DMD: variants seen among roughly 807,000 people sequenced by gnomAD.
DMD encodes dystrophin, also known as mutant dystrophin.
A neutral mutation model predicts 330.1 loss-of-function variants in DMD; 63 were observed. The observed-to-expected ratio is 0.19, with a 90% confidence interval of 0.16 to 0.24. The LOEUF (loss-of-function observed/expected upper bound fraction) is 0.24, where lower values mean the gene tolerates loss of function less well. DMD is among the 10% of genes least tolerant of loss of function. DMD has a pLI of 1.00. For synonymous variants in DMD, 1,223 were observed against 959.8 expected (o/e 1.27, Z -5.07); for missense variants, 3,344 against 2,684.1 (o/e 1.25, Z -5.43).
intron 41 of DMD, among the ~76,000 whole-genome samples, chrX:32,329,468 A>G (rs2097668086): frequency 8.9e-6 from 1 of 112,077 alleles, no homozygotes; most frequent in African/African-American, 3.2e-5. Context: ...AGGGCTTTGT[A>G]GCAGATTAAA....
intron 44 of DMD, among the ~76,000 whole-genome samples, chrX:32,107,338 A>ATG (rs34502564): frequency 0.046 from 4,126 of 89,035 alleles, 140 homozygotes; most frequent in African/African-American, 0.12. Flanking sequence ...ATATAATTAT[A>ATG]TGTGTGTGTG....
At chrX:33,008,903 C>T (rs2093470399) in intron 2 of DMD, among the ~76,000 whole-genome samples, 1 of 84,510 alleles carries the variant, frequency 1.2e-5, no homozygotes, top group Admixed American at 1.3e-4. Context: ...TATATATACA[C>T]ATACTCATAT....
intron 44 of DMD, among the ~76,000 whole-genome samples, chrX:32,083,191 A>C (rs1479992320): frequency 8.9e-6 from 1 of 112,140 alleles, no homozygotes; most frequent in African/African-American, 3.2e-5. Flanking sequence ...AACATAGTCC[A>C]TGGAGGCTTC....
At chrX:32,419,207 G>A (rs1324237359) in intron 29 of DMD, among the ~76,000 whole-genome samples, 1 of 110,906 alleles carries the variant, frequency 9.0e-6, no homozygotes, top group African/African-American at 3.3e-5. Context: ...TTTTGAAAAG[G>A]GAATTAAATG....
chrX:32,680,051 A>C (rs61027421), intron 9 of DMD, among the ~76,000 whole-genome samples: 14,382 of 105,572 alleles, frequency 0.14, 2,496 homozygotes, highest in African/African-American at 0.46. Flanking sequence ...GTAGCTGGGA[A>C]TACAGGCATG....
chrX:33,230,613 A>G (rs982882463), intron 1 of DMD, among the ~76,000 whole-genome samples: 2 of 111,142 alleles, frequency 1.8e-5, no homozygotes, highest in African/African-American at 6.5e-5. Flanking sequence ...GGAGTTGCAT[A>G]TATCTGACCT....
intron 53 of DMD, among the ~76,000 whole-genome samples, chrX:31,677,231 C>T (rs2082132969): frequency 9.0e-6 from 1 of 111,578 alleles, no homozygotes. Flanking sequence ...TTATTTAAAG[C>T]TACTTGCTCT....
intron 76 of DMD, among the ~76,000 whole-genome samples, chrX:31,136,792 T>C (rs1449495784): frequency 8.9e-6 from 1 of 112,049 alleles, no homozygotes; most frequent in Non-Finnish European, 1.9e-5. Context: ...AGATAAACTC[T>C]CTGTGAGTCT....
At chrX:31,446,436 AAAAC>A (rs1569542964) in intron 59 of DMD, among the ~76,000 whole-genome samples, 1 of 108,596 alleles carries the variant, frequency 9.2e-6, no homozygotes, top group Non-Finnish European at 1.9e-5. Context: ...TATATTAATA[AAAAC>A]AAACAAAAGA....
At chrX:32,985,325 A>G (rs1364306428) in intron 2 of DMD, among the ~76,000 whole-genome samples, 3 of 112,303 alleles carry the variant, frequency 2.7e-5, no homozygotes, top group Non-Finnish European at 1.9e-5. Context: ...AATGCAAGAT[A>G]ATATTTTCTA....
At chrX:33,161,433 A>G (rs1286766650) in intron 1 of DMD, among the ~76,000 whole-genome samples, 3 of 111,565 alleles carry the variant, frequency 2.7e-5, no homozygotes, top group Non-Finnish European at 5.6e-5. Flanking sequence ...AAAACTCTTT[A>G]TATATATTAT....
intron 43 of DMD, among the ~76,000 whole-genome samples, chrX:32,241,405 C>A (rs920034552): frequency 1.8e-5 from 2 of 112,599 alleles, no homozygotes; most frequent in African/African-American, 3.2e-5. Flanking sequence ...CCTACATAGG[C>A]CCATAAGTTT....
rs997170287 is a variant in DMD, at chrX:32,670,687, G to A, written c.961-25535C>T. ...TCTATTTGGAATTTTAAGAAAGTAA[G>A]CAACATGAAACCACTGGTTGAGAAG... On this transcript the variant is annotated intron_variant, in intron 9 of 78. Transcript: ENST00000357033. 2.5e-4 allele frequency among the ~76,000 whole-genome samples: 28 copies of A among 112,205 alleles called. 1 individual carries two copies. The highest frequency in any genetic ancestry group is 4.9e-4 in the Non-Finnish European group (26 of 53,165).
intron 48 of DMD, among the ~76,000 whole-genome samples, chrX:31,850,354 A>G (rs940800604): frequency 8.0e-5 from 9 of 112,455 alleles, no homozygotes; most frequent in Non-Finnish European, 1.5e-4. Flanking sequence ...TTGGGAATCA[A>G]TGAAATCCTA....
Position 32,312,942 on chromosome X carries a change from CAAAAAAAAAAAA to C in DMD, c.5923-2678_5923-2667del, listed in dbSNP as rs767993498. Reference sequence around the variant, plus strand: ...ATTGAGGCAGTAATAGCCTACGAACCAAAAAAAAAAAAAAAAAAAAAAGCCCAGGACCAGACG... The same window carrying C: ...ATTGAGGCAGTAATAGCCTACGAACCAAAAAAAAAAGCCCAGGACCAGACG... On this transcript the variant is annotated intron_variant, in intron 41 of 78. Transcript: ENST00000357033. Among the ~76,000 whole-genome samples, 4 of 20,377 alleles carry C rather than the reference CAAAAAAAAAAAA, an allele frequency of 2.0e-4. No homozygotes were observed. In the South Asian group the frequency reaches 0.023, roughly 119 times the overall value. The allele number at this position is 20,377 out of a possible 115,157, so 17.7% of individuals were successfully genotyped here.
chrX:33,228,511 C>T (rs955501264), intron 1 of DMD, among the ~76,000 whole-genome samples: 4 of 109,686 alleles, frequency 3.6e-5, no homozygotes, highest in Admixed American at 3.0e-4. Flanking sequence ...AGGGCTACTT[C>T]GATAAAACCT....
At chrX:31,966,812 A>G (rs2095355447) in intron 45 of DMD, among the ~76,000 whole-genome samples, 2 of 110,971 alleles carry the variant, frequency 1.8e-5, no homozygotes, top group African/African-American at 6.5e-5. Flanking sequence ...TTGAAAATTC[A>G]GGTGAATTAG....
In DMD at chrX:32,555,324, T is replaced by C. The variant is rs141433169; in HGVS notation, c.1993-9990A>G. ...CCTCAAAATAATAAGAGCCATAAAT[T>C]ATAAACCCACATCCAAATGGGCAAA... On this transcript the variant is annotated intron_variant, in intron 16 of 78. Coordinates refer to ENST00000357033, the MANE Select transcript of DMD (RefSeq NM_004006.3). 5.3e-3 allele frequency among the ~76,000 whole-genome samples: 592 copies of C among 111,086 alleles called. 18 individuals carry two copies. The Admixed American group carries it at 0.053, about 10-fold the overall frequency.
intron 29 of DMD, among the ~76,000 whole-genome samples, chrX:32,431,290 T>A (rs781582060): frequency 1.1e-3 from 124 of 111,594 alleles, no homozygotes; most frequent in Non-Finnish European, 2.0e-3. Context: ...TATATCATTG[T>A]GGTTTTGATT....
Sources: gnomAD v4.1 joint callset for allele counts (sites outside exome capture counted in the v4.1 genomes callset) on GRCh38, gnomAD v4.1.1 for gene constraint, MANE v1.5 for transcripts, NCBI Gene and HGNC (gene_info 2026-07-23, HGNC 2026-07-21) for gene names.